The following ZFHX3 variants were observed in gnomAD, a reference collection of about 807,000 sequenced individuals.
ZFHX3 encodes the protein zinc finger homeobox protein 3.
In ZFHX3, 42 loss-of-function variants were observed where a neutral mutation model predicts 279.1. That is an observed-to-expected ratio of 0.15 (90% CI 0.12 to 0.19). The LOEUF (loss-of-function observed/expected upper bound fraction) is 0.19, where lower values mean the gene tolerates loss of function less well. Ranked by LOEUF, ZFHX3 falls within the 10% of genes least tolerant of loss-of-function variation. The probability of loss-of-function intolerance (pLI) is 1.00; values close to 1 mark genes in which losing one functional copy is unlikely to be tolerated. For synonymous variants in ZFHX3, 2,293 were observed against 1,957.8 expected (o/e 1.17, Z -4.52); for missense variants, 4,981 against 4,754.0 (o/e 1.05, Z -1.40).
intron 1 of ZFHX3, among the ~76,000 whole-genome samples, chr16:73,882,467 T>TG (rs2030201277): frequency 6.6e-6 from 1 of 152,140 alleles, no homozygotes; most frequent in African/African-American, 2.4e-5. Context: ...AAAGTTTTTT[T>TG]TTTCCCATCT....
At chr16:73,732,537 G>A (rs752019651) in intron 1 of ZFHX3, among the ~76,000 whole-genome samples, 22 of 152,176 alleles carry the variant, frequency 1.4e-4, no homozygotes, top group Admixed American at 9.8e-4. Context: ...TACTAATGAA[G>A]TATTATTAGT....
At chr16:73,230,730 G>T (rs2012746339) in intron 5 of ZFHX3, among the ~76,000 whole-genome samples, 1 of 152,210 alleles carries the variant, frequency 6.6e-6, no homozygotes, top group Non-Finnish European at 1.5e-5. Flanking sequence ...GTGGGTTTGA[G>T]CTACTGTGAT....
At chr16:73,804,795 T>C (rs1389780059) in intron 1 of ZFHX3, among the ~76,000 whole-genome samples, 1 of 151,754 alleles carries the variant, frequency 6.6e-6, no homozygotes, top group Non-Finnish European at 1.5e-5. Flanking sequence ...TGCAAAGTCA[T>C]TATAGTTTTC....
At chr16:73,331,159 G>C (rs2015794889) in intron 3 of ZFHX3, among the ~76,000 whole-genome samples, 2 of 152,224 alleles carry the variant, frequency 1.3e-5, no homozygotes. Flanking sequence ...TGGCAGGAGA[G>C]ACAAGTGCAG....
At chr16:73,310,074 CAT>C (rs2015290276) in intron 4 of ZFHX3, among the ~76,000 whole-genome samples, 2 of 151,852 alleles carry the variant, frequency 1.3e-5, no homozygotes, top group Non-Finnish European at 2.9e-5. Flanking sequence ...ACGCCTGGCT[CAT>C]TTTTGTATTT....
At chr16:73,868,091 T>C (rs1962074596) in intron 1 of ZFHX3, among the ~76,000 whole-genome samples, 1 of 152,214 alleles carries the variant, frequency 6.6e-6, no homozygotes, top group African/African-American at 2.4e-5. Context: ...TTGTTCTTCT[T>C]TTCCTCCCAA....
chr16:73,359,187 T>G (rs1293397104), intron 3 of ZFHX3, among the ~76,000 whole-genome samples: 1 of 151,660 alleles, frequency 6.6e-6, no homozygotes, highest in Non-Finnish European at 1.5e-5. Context: ...AGAGGTTTTT[T>G]TTTTTTTTTT....
rs560560589 is a variant in ZFHX3, at chr16:73,764,191, C to T, written c.-1607-83951G>A. 1.2e-4 allele frequency among the ~76,000 whole-genome samples: 19 copies of T among 152,246 alleles called. No homozygotes were observed. In the South Asian group the frequency reaches 3.5e-3, roughly 28 times the overall value. On this transcript the variant is annotated intron_variant, in intron 1 of 17. Transcript: ENST00000641206. ...GTCAGACACCAGAGGGAGAGAGGTA[C>T]AGAGCTCTTTGGAAGCAAATTTCCA...
At position 72,787,043 on chromosome 16, in the gene ZFHX3, T is replaced by G; in HGVS notation, c.*121A>C. The G allele has an allele frequency of 1.1e-6, 1 of 941,580 alleles. No individual in the cohort carries two copies. The highest frequency in any genetic ancestry group is 1.3e-6 in the Non-Finnish European group (1 of 741,218). 58.3% of individuals were successfully genotyped at this position (941,580 alleles called of 1,614,324 possible). A position where few individuals can be genotyped will look rare whatever the true frequency, so the allele number is the denominator to read the frequency against. On this transcript the variant is annotated 3_prime_UTR_variant, in exon 10 of 10. Coordinates refer to ENST00000268489, the MANE Select transcript of ZFHX3 (RefSeq NM_006885.4). The stretch of plus-strand genomic sequence containing the variant: ...CCCACGCTTTTTCTTTTTTTTCTTT[T>G]TTTTTTTTTTTTTGTTTTTTGGTTA...
intron 1 of ZFHX3, among the ~76,000 whole-genome samples, chr16:73,036,067 TG>T (rs1482841279): frequency 6.6e-6 from 1 of 152,236 alleles, no homozygotes; most frequent in African/African-American, 2.4e-5. Flanking sequence ...AGCAGGGGCC[TG>T]GTGTCCACCT....
chr16:73,742,751 A>G lies in ZFHX3; in HGVS notation c.-1607-62511T>C, dbSNP rs1017236702. Reference sequence around the variant, plus strand: ...AAGAATCAGGGTTCCCCTTTTTTCTACAGAGCTAGGAATTAGTTCATGGGT... The same window carrying G: ...AAGAATCAGGGTTCCCCTTTTTTCTGCAGAGCTAGGAATTAGTTCATGGGT... On this transcript the variant is annotated intron_variant, in intron 1 of 17. Transcript: ENST00000641206. Among the ~76,000 whole-genome samples, 5 of 152,292 alleles carry G rather than the reference A, an allele frequency of 3.3e-5. No individual in the cohort carries two copies. In the East Asian group the frequency reaches 5.8e-4, roughly 18 times the overall value.
intron 2 of ZFHX3, among the ~76,000 whole-genome samples, chr16:73,653,582 T>C (rs892283378): frequency 5.3e-5 from 8 of 150,950 alleles, no homozygotes; most frequent in Non-Finnish European, 1.2e-4. Context: ...GAGATATAAC[T>C]AAAGCAATAC....
chr16:72,788,674 T>G lies in ZFHX3; in HGVS notation c.9602A>C (p.Gln3201Pro). 1.9e-6 allele frequency: 3 copies of G among 1,612,166 alleles called. No homozygotes were observed. Among genetic ancestry groups the G allele is most frequent in the Non-Finnish European group, 2.5e-6 (3 of 1,178,974 alleles). Residue 3201 changes from glutamine (Q) to proline (P), a missense_variant, in exon 10 of 10, where the codon CAG (glutamine) becomes CCG (proline). Around this residue, in one of 7 missense-constraint regions of ZFHX3, gnomAD observed 1,034 missense variants for 786.0 expected, o/e 1.32. Transcript: ENST00000268489. ...GPQQPPQQQQQQQQPQVQQPP... is the reference protein window; with the variant it reads ...GPQQPPQQQQPQQQPQVQQPP... Reference sequence around the variant, plus strand: ...CTGCTGCACCTGTGGTTGCTGCTGCTGCTGCTGCTGCTGGGGGGGTTGCTG... The same window carrying G: ...CTGCTGCACCTGTGGTTGCTGCTGCGGCTGCTGCTGCTGGGGGGGTTGCTG...
intron 1 of ZFHX3, among the ~76,000 whole-genome samples, chr16:72,994,081 G>A (rs189733889): frequency 6.6e-6 from 1 of 152,244 alleles, no homozygotes; most frequent in Admixed American, 6.5e-5. Context: ...GAATTCTTCT[G>A]TTCCCTATCA....
chr16:73,129,997 C>A (rs1214960638), intron 7 of ZFHX3, among the ~76,000 whole-genome samples: 1 of 152,150 alleles, frequency 6.6e-6, no homozygotes, highest in Non-Finnish European at 1.5e-5. Context: ...CTCTTTGTGA[C>A]AATGAAGGCC....
intron 3 of ZFHX3, among the ~76,000 whole-genome samples, chr16:72,940,807 C>G (rs1960375687): frequency 6.6e-6 from 1 of 152,268 alleles, no homozygotes; most frequent in South Asian, 2.1e-4. Flanking sequence ...AAACCAAACA[C>G]TATCAGTAGA....
intron 4 of ZFHX3, among the ~76,000 whole-genome samples, chr16:72,881,631 G>A (rs1285262785): frequency 3.9e-5 from 6 of 152,236 alleles, no homozygotes; most frequent in South Asian, 4.2e-4. Context: ...ATTATTTCTC[G>A]AGAAACATCC....
chr16:72,845,573 C>A (rs1597303162), intron 4 of ZFHX3, among the ~76,000 whole-genome samples: 1 of 152,166 alleles, frequency 6.6e-6, no homozygotes, highest in South Asian at 2.1e-4. Context: ...TGTCACGGCA[C>A]CCCCGTCCTG....
rs2038525201 is a variant in ZFHX3, at chr16:72,882,980, GTGTGTGTGTGTGTGTGTGTGT to G, written c.3448+6730_3448+6750del. 8.0e-3 allele frequency among the ~76,000 whole-genome samples: 283 copies of G among 35,498 alleles called. 2 individuals carry two copies. Among genetic ancestry groups the G allele is most frequent in the South Asian group, 0.011 (7 of 632 alleles). The allele number at this position is 35,498 out of a possible 152,430, so 23.3% of individuals were successfully genotyped here. On this transcript the variant is annotated intron_variant, in intron 4 of 9. Transcript: ENST00000268489. ...TTTGGCCTTCACACCACTCTGGGGT[GTGTGTGTGTGTGTGTGTGTGT>G]GTGTGTGTGTGTGTGTGTGTGTGTG...
Sources: allele counts gnomAD v4.1 joint callset (sites outside exome capture counted in the v4.1 genomes callset), GRCh38; gene constraint gnomAD v4.1.1; regional missense constraint gnomAD v4.1.1; transcripts MANE v1.5; gene names NCBI Gene and HGNC (gene_info 2026-07-23, HGNC 2026-07-21).